The following NPTXR variants were observed in gnomAD, a reference collection of about 807,000 sequenced individuals.
NPTXR encodes the protein neuronal pentraxin receptor.
NPTXR carries 12 observed loss-of-function variants against 32.2 expected under a neutral mutation model. The ratio of observed to expected loss-of-function variants is 0.37; its 90% CI spans 0.24 to 0.60. The LOEUF (loss-of-function observed/expected upper bound fraction) is 0.60. NPTXR is among the 20% of genes least tolerant of loss of function. NPTXR has a pLI of 0.66. For synonymous variants in NPTXR, 323 were observed against 315.8 expected, an observed-to-expected ratio of 1.02 and a Z score of -0.24; for missense variants, 612 against 682.9, an observed-to-expected ratio of 0.90 and a Z score of 1.16.
At chr22:38,827,746 T>C (rs560604883) in intron 2 of NPTXR, among the ~76,000 whole-genome samples, 12 of 152,354 alleles carry the variant, frequency 7.9e-5, no homozygotes, top group Non-Finnish European at 1.0e-4. Context: ...AGTGAACTTC[T>C]GAGGTCACAG....
chr22:38,837,934 C>T (rs1352051814), intron 1 of NPTXR, among the ~76,000 whole-genome samples: 2 of 150,282 alleles, frequency 1.3e-5, no homozygotes, highest in Non-Finnish European at 3.0e-5. Context: ...TGGCTCACTG[C>T]AACCTCTGCC....
chr22:38,830,614 C>G (rs1471993270), intron 1 of NPTXR, among the ~76,000 whole-genome samples: 1 of 152,190 alleles, frequency 6.6e-6, no homozygotes, highest in Non-Finnish European at 1.5e-5. Context: ...GCCAAGCGGC[C>G]TCTCCAGAAG....
In NPTXR at chr22:38,827,252, TTTTC is replaced by T. The variant is rs956642770; in HGVS notation, c.851-509_851-506del. On this transcript the variant is annotated intron_variant, in intron 2 of 4. Transcript: ENST00000333039. ...TCTTTCTTTTCTTTTCTTTTTCTTT[TTTTC>T]TTTCTTTTTTTTTTTTTTTTTGAGA... 9.1e-5 allele frequency among the ~76,000 whole-genome samples: 11 copies of T among 121,462 alleles called. No individual in the cohort carries two copies. In the South Asian group the frequency reaches 2.3e-3, roughly 25 times the overall value. 79.7% of individuals were successfully genotyped at this position (121,462 alleles called of 152,430 possible).
chr22:38,827,083 A>G (rs2093108324), intron 2 of NPTXR, among the ~76,000 whole-genome samples: 1 of 152,026 alleles, frequency 6.6e-6, no homozygotes, highest in Non-Finnish European at 1.5e-5. Context: ...TGCTCCACCT[A>G]GGATGCTGGC....
At chr22:38,824,292 C>G (rs909468491) in intron 3 of NPTXR, among the ~76,000 whole-genome samples, 2 of 152,082 alleles carry the variant, frequency 1.3e-5, no homozygotes, top group Non-Finnish European at 2.9e-5. Context: ...CTTACCCAGC[C>G]TGAGATCACA....
At position 38,843,509 on chromosome 22, in the gene NPTXR, G is replaced by T; in HGVS notation, c.350C>A (p.Pro117Gln). ...CAGCAGCAGCTCTTCGCGCTCGCCC[G>T]GCGCAGCGCCCGCCGCGTCCCCCTG... is the stretch of plus-strand genomic sequence containing the variant. The change falls in exon 1 of 5, where the codon CCG becomes CAG. Residue 117 changes from proline (P) to glutamine (Q), a missense_variant. Pro to Gln is a moderately conservative substitution (Grantham distance 76). Coordinates refer to ENST00000333039, the MANE Select transcript of NPTXR (RefSeq NM_014293.4). The surrounding 1 kb of genome is among the most constrained non-coding windows in gnomAD (Gnocchi z 5.3). The T allele has an allele frequency of 7.8e-7, 1 of 1,275,784 alleles. No homozygotes were observed. The highest frequency in any genetic ancestry group is 9.9e-7 in the Non-Finnish European group (1 of 1,012,862). The allele number at this position is 1,275,784 out of a possible 1,614,324, so 79.0% of individuals were successfully genotyped here.
At position 38,843,035 on chromosome 22, in the gene NPTXR, C is replaced by T. The variant is rs891745981; in HGVS notation, c.624+200G>A. Reference sequence around the variant, plus strand: ...AAGGGTGGGGAGCGAATCTTTCTGGCGCGCCCTCTGTGCCTCAGTCACCGT... The same window carrying T: ...AAGGGTGGGGAGCGAATCTTTCTGGTGCGCCCTCTGTGCCTCAGTCACCGT... On this transcript the variant is annotated intron_variant, in intron 1 of 4. Coordinates refer to ENST00000333039, the MANE Select transcript of NPTXR (RefSeq NM_014293.4). The surrounding 1 kb of genome is among the most constrained non-coding windows in gnomAD (Gnocchi z 5.3). 1.3e-5 allele frequency among the ~76,000 whole-genome samples: 2 copies of T among 152,204 alleles called. No homozygotes were observed. Among genetic ancestry groups the T allele is most frequent in the Admixed American group, 1.3e-4 (2 of 15,288 alleles).
rs781394016 is a variant in NPTXR at position 38,843,452 on chromosome 22, G to A, written c.407C>T (p.Thr136Met). The change falls in exon 1 of 5, where the codon ACG becomes ATG. Residue 136 changes from threonine to methionine, a missense_variant. Physicochemically the swap from Thr to Met is moderately conservative, Grantham distance 81. Transcript: ENST00000333039. The surrounding 1 kb of genome is among the most constrained non-coding windows in gnomAD (Gnocchi z 5.3). ...GATGCGCGCCTCCTGCTGCAGCGCCGTCTGGCGCAGCTGCTCGGCCGTGCT... is the reference window on the plus strand; with the variant it reads ...GATGCGCGCCTCCTGCTGCAGCGCCATCTGGCGCAGCTGCTCGGCCGTGCT... 1.7e-5 allele frequency: 23 copies of A among 1,364,188 alleles called. No individual in the cohort carries two copies. Among genetic ancestry groups the A allele is most frequent in the South Asian group, 3.6e-5 (2 of 56,234 alleles). 84.5% of individuals were successfully genotyped at this position (1,364,188 alleles called of 1,614,324 possible). A position where few individuals can be genotyped will look rare whatever the true frequency, so the allele number is the denominator to read the frequency against.
In NPTXR at chr22:38,819,741, T is replaced by C. The variant is rs2146187904; in HGVS notation, c.*2868A>G. The C allele has an allele frequency of 6.6e-6, 1 of 152,588 alleles. No individual in the cohort carries two copies. The highest frequency in any genetic ancestry group is 2.1e-4 in the South Asian group (1 of 4,832). 9.5% of individuals were successfully genotyped at this position (152,588 alleles called of 1,614,324 possible). A position where few individuals can be genotyped will look rare whatever the true frequency, so the allele number is the denominator to read the frequency against. Reference sequence around the variant, plus strand: ...AGGACAAACACGGGCTCCATCGTGGTTATCAGCCAGGAGCAGCTCAGGATG... The same window carrying C: ...AGGACAAACACGGGCTCCATCGTGGCTATCAGCCAGGAGCAGCTCAGGATG... On this transcript the variant is annotated 3_prime_UTR_variant, in exon 5 of 5. Coordinates refer to ENST00000333039, the MANE Select transcript of NPTXR (RefSeq NM_014293.4).
Position 38,843,342 on chromosome 22 carries a change from C to A in NPTXR, c.517G>T (p.Gly173Trp). 2.8e-6 allele frequency: 4 copies of A among 1,414,218 alleles called. No individual in the cohort carries two copies. The highest frequency in any genetic ancestry group is 1.8e-6 in the Non-Finnish European group (2 of 1,091,840). 87.6% of individuals were successfully genotyped at this position (1,414,218 alleles called of 1,614,324 possible). Residue 173 changes from glycine (G) to tryptophan (W), a missense_variant, in exon 1 of 5, where the codon GGG becomes TGG. Transcript: ENST00000333039. The surrounding 1 kb of genome is among the most constrained non-coding windows in gnomAD (Gnocchi z 5.3). ...TCGGCCATGGTGTCGCGGCGGGGCC[C>A]GGCGCCCTGGAGGCCGCGCGGCAGG...
intron 2 of NPTXR, among the ~76,000 whole-genome samples, chr22:38,826,997 A>C (rs1020388261): frequency 9.2e-5 from 14 of 152,098 alleles, no homozygotes; most frequent in African/African-American, 3.1e-4. Context: ...CAACAAATTA[A>C]ACTTGTTGGG....
intron 1 of NPTXR, among the ~76,000 whole-genome samples, chr22:38,835,175 T>C (rs2084345004): frequency 6.6e-6 from 1 of 152,230 alleles, no homozygotes; most frequent in Non-Finnish European, 1.5e-5. Context: ...AAGGCAAATA[T>C]GGCCCCATGG....
intron 1 of NPTXR, among the ~76,000 whole-genome samples, chr22:38,839,736 AAAAC>A (rs879927017): frequency 6.6e-5 from 10 of 152,226 alleles, no homozygotes; most frequent in African/African-American, 1.4e-4. Flanking sequence ...AACAGACTTA[AAAAC>A]AAACAAACAA....
chr22:38,827,453 T>C (rs2093109095), intron 2 of NPTXR, among the ~76,000 whole-genome samples: 1 of 151,988 alleles, frequency 6.6e-6, no homozygotes, highest in Non-Finnish European at 1.5e-5. Context: ...AGGCTGGCCT[T>C]GAACTCCTGA....
chr22:38,836,974 C>G (rs1408750867), intron 1 of NPTXR, among the ~76,000 whole-genome samples: 1 of 152,112 alleles, frequency 6.6e-6, no homozygotes, highest in South Asian at 2.1e-4. Flanking sequence ...GCCACCATGC[C>G]CGGCTAATTT....
At chr22:38,827,462 G>A (rs2093109101) in intron 2 of NPTXR, among the ~76,000 whole-genome samples, 1 of 151,968 alleles carries the variant, frequency 6.6e-6, no homozygotes, top group Non-Finnish European at 1.5e-5. Context: ...TTGAACTCCT[G>A]ACCTCAGGTG....
chr22:38,838,573 ATTTTTTTTT>A (rs139377592), intron 1 of NPTXR, among the ~76,000 whole-genome samples: 6 of 83,204 alleles, frequency 7.2e-5, no homozygotes, highest in Admixed American at 1.3e-4. Context: ...TCACCTGGCT[ATTTTTTTTT>A]TTTTTTTTTT....
chr22:38,843,284 TC>T lies in NPTXR; in HGVS notation c.574del (p.Glu192SerfsTer24). ...CAGGGCGCGCACGGCGTCCTCCAGC[TC>T]CAGAATGAGCGCAGGCGAGTCCCAG... On this transcript the variant is annotated frameshift_variant, in exon 1 of 5. Transcript: ENST00000333039. LOFTEE classifies it high-confidence loss of function. The surrounding 1 kb of genome is among the most constrained non-coding windows in gnomAD (Gnocchi z 5.3). 1 of 1,438,066 alleles carries T rather than the reference TC, an allele frequency of 7.0e-7. No homozygotes were observed. Among genetic ancestry groups the T allele is most frequent in the Non-Finnish European group, 9.1e-7 (1 of 1,102,424 alleles). The allele number at this position is 1,438,066 out of a possible 1,614,324, so 89.1% of individuals were successfully genotyped here.
chr22:38,822,354 A>G lies in NPTXR; in HGVS notation c.*255T>C. 3.8e-6 allele frequency: 2 copies of G among 527,164 alleles called. No individual in the cohort carries two copies. Among genetic ancestry groups the G allele is most frequent in the Non-Finnish European group, 6.9e-6 (2 of 289,686 alleles). The allele number at this position is 527,164 out of a possible 1,614,324, so 32.7% of individuals were successfully genotyped here. The stretch of plus-strand genomic sequence containing the variant: ...GGCAGGGAGGGTGGGGTAAGAGACA[A>G]CTCCAGTGCAGTGCCAGGTGGGCAG... On this transcript the variant is annotated 3_prime_UTR_variant, in exon 5 of 5. Transcript: ENST00000333039.
Sources: allele counts gnomAD v4.1 joint callset (sites outside exome capture counted in the v4.1 genomes callset), GRCh38; gene constraint gnomAD v4.1.1; non-coding constraint Gnocchi (gnomAD v3.1); transcripts MANE v1.5; gene names NCBI Gene and HGNC (gene_info 2026-07-23, HGNC 2026-07-21).